Variants in CENPP observed in about 807,000 individuals in gnomAD.
The protein encoded by CENPP is centromere protein P.
CENPP carries 24 observed loss-of-function variants against 35.6 expected under a neutral mutation model. That is an observed-to-expected ratio of 0.67 (90% CI 0.49 to 0.95). CENPP has a LOEUF of 0.95. CENPP is among the 40% of genes least tolerant of loss of function. The pLI, the probability that CENPP is intolerant of heterozygous loss-of-function variation, is 0.00. For missense variants in CENPP, 332 were observed against 345.3 expected (o/e 0.96, Z 0.31); for synonymous variants, 120 against 125.5 (o/e 0.96, Z 0.29).
intron 3 of CENPP, among the ~76,000 whole-genome samples, chr9:92,337,876 T>G (rs142154504): frequency 7.2e-4 from 109 of 152,342 alleles, no homozygotes; most frequent in African/African-American, 2.5e-3. Context: ...AGCAAGATGC[T>G]CCTGGGCTTC....
At position 92,522,065 on chromosome 9, in the gene CENPP, G is replaced by GTTGTT. The variant is rs538087449; in HGVS notation, c.565-89221_565-89217dup. On this transcript the variant is annotated intron_variant, in intron 5 of 7. Transcript: ENST00000375587. ...TTAAGTTGTTTTTGGTTTTTTGGGGGTTGTTTTGTTTTGTTTTGTTTTGTT... is the reference window on the plus strand; with the variant it reads ...TTAAGTTGTTTTTGGTTTTTTGGGGGTTGTTTTGTTTTGTTTTGTTTTGTTTTGTT... Among the ~76,000 whole-genome samples the GTTGTT allele has an allele frequency of 4.3e-3, 656 of 152,004 alleles. 1 individual carries two copies. Among genetic ancestry groups the GTTGTT allele is most frequent in the African/African-American group, 0.011 (442 of 41,472 alleles).
At chr9:92,496,244 CTT>C in intron 5 of CENPP, 5 of 1,504,806 alleles carry the variant, frequency 3.3e-6, no homozygotes, top group Non-Finnish European at 4.4e-6. Flanking sequence ...TTATGTCTCT[CTT>C]ATTAATGACA....
chr9:92,369,552 T>A, intron 4 of CENPP, among the ~76,000 whole-genome samples: 1 of 152,220 alleles, frequency 6.6e-6, no homozygotes, highest in East Asian at 1.9e-4. Flanking sequence ...TTGCACTGAA[T>A]TGGTAGATTG....
At chr9:92,408,505 A>G (rs1843365809) in intron 5 of CENPP, among the ~76,000 whole-genome samples, 2 of 152,126 alleles carry the variant, frequency 1.3e-5, no homozygotes, top group East Asian at 1.9e-4. Flanking sequence ...TTGATTCTTC[A>G]TGAACCTTCC....
intron 5 of CENPP, among the ~76,000 whole-genome samples, chr9:92,446,924 T>C (rs545340448): frequency 1.4e-3 from 212 of 151,468 alleles, no homozygotes; most frequent in African/African-American, 4.7e-3. Flanking sequence ...GCTGGAAGAA[T>C]AGTCAACTAT....
chr9:92,502,501 G>A (rs1208065456), intron 5 of CENPP: 2 of 1,610,698 alleles, frequency 1.2e-6, no homozygotes, highest in Non-Finnish European at 8.5e-7. Context: ...TTAAATTGTA[G>A]CATGTACTTA....
In CENPP at chr9:92,495,746, G is replaced by A. The variant is rs562627216; in HGVS notation, c.565-115568G>A. 8 of 932,358 alleles carry A rather than the reference G, an allele frequency of 8.6e-6. No individual in the cohort carries two copies. In the South Asian group the frequency reaches 3.5e-4, roughly 40 times the overall value. 57.8% of individuals were successfully genotyped at this position (932,358 alleles called of 1,614,324 possible). A position where few individuals can be genotyped will look rare whatever the true frequency, so the allele number is the denominator to read the frequency against. ...TCAAAACCAGGAAATTAACATTACA[G>A]TAGTGTTTTAATTTTACACATGTAA... On this transcript the variant is annotated intron_variant, in intron 5 of 7. Coordinates refer to ENST00000375587, the MANE Select transcript of CENPP (RefSeq NM_001012267.3).
chr9:92,385,582 G>A (rs1842384705), intron 5 of CENPP: 1 of 1,558,308 alleles, frequency 6.4e-7, no homozygotes, highest in Non-Finnish European at 8.8e-7. Flanking sequence ...GACTATTAGT[G>A]TAGGTGTACT....
chr9:92,560,951 A>T (rs1235196610), intron 5 of CENPP, among the ~76,000 whole-genome samples: 4 of 142,682 alleles, frequency 2.8e-5, no homozygotes, highest in African/African-American at 7.9e-5. Flanking sequence ...TTTTTTTCTC[A>T]GTACCTCTTA....
At chr9:92,381,660 G>T (rs1842248994) in intron 5 of CENPP, among the ~76,000 whole-genome samples, 1 of 151,972 alleles carries the variant, frequency 6.6e-6, no homozygotes, top group Admixed American at 6.6e-5. Flanking sequence ...TTACTTTTGG[G>T]CTATTGTGAA....
At chr9:92,332,059 A>C in intron 1 of CENPP, 111 bp from the exon 2 acceptor site, 1 of 516,968 alleles carries the variant, frequency 1.9e-6, no homozygotes, top group Non-Finnish European at 3.2e-6. Flanking sequence ...AAGGTGACTT[A>C]ATTGGAAGAG....
intron 5 of CENPP, among the ~76,000 whole-genome samples, chr9:92,529,775 T>C (rs567708077): frequency 6.6e-6 from 1 of 152,236 alleles, no homozygotes; most frequent in South Asian, 2.1e-4. Context: ...ATGCAAGCTA[T>C]AAAAGAATAG....
intron 5 of CENPP, among the ~76,000 whole-genome samples, chr9:92,579,111 A>G (rs1357467673): frequency 6.6e-6 from 1 of 150,600 alleles, no homozygotes; most frequent in East Asian, 1.9e-4. Flanking sequence ...AGATAGTTGT[A>G]GATATGCAGC....
intron 5 of CENPP, among the ~76,000 whole-genome samples, chr9:92,382,683 C>T (rs1168317226): frequency 6.6e-6 from 1 of 151,986 alleles, no homozygotes; most frequent in Non-Finnish European, 1.5e-5. Flanking sequence ...TTAAATATTA[C>T]ATAAGGTAGG....
At chr9:92,422,750 C>A (rs1172775359) in intron 5 of CENPP, among the ~76,000 whole-genome samples, 1 of 152,088 alleles carries the variant, frequency 6.6e-6, no homozygotes, top group East Asian at 1.9e-4. Flanking sequence ...TTTTCTATGC[C>A]TCTTGCTCTT....
At chr9:92,343,962 CAAAAAAA>C (rs35920973) in intron 3 of CENPP, among the ~76,000 whole-genome samples, 19 of 60,988 alleles carry the variant, frequency 3.1e-4, no homozygotes, top group African/African-American at 1.1e-3. Context: ...AACCCTGTCT[CAAAAAAA>C]AAAAAAAAAA....
At chr9:92,416,677 T>A (rs1385395581) in intron 5 of CENPP, 1 of 1,610,158 alleles carries the variant, frequency 6.2e-7, no homozygotes, top group Non-Finnish European at 8.5e-7. Flanking sequence ...TATAGAATGC[T>A]TGCTTCAATT....
intron 5 of CENPP, among the ~76,000 whole-genome samples, chr9:92,479,702 T>G (rs550421079): frequency 2.8e-4 from 42 of 152,360 alleles, no homozygotes; most frequent in African/African-American, 9.4e-4. Flanking sequence ...TGTCTTCTGT[T>G]AGCCTTTTAC....
intron 5 of CENPP, chr9:92,517,998 T>C: frequency 8.9e-7 from 1 of 1,126,136 alleles, no homozygotes; most frequent in Non-Finnish European, 1.3e-6. Context: ...CTATGTGCAT[T>C]CATGTATAGG....
Sources: allele counts gnomAD v4.1 joint callset (sites outside exome capture counted in the v4.1 genomes callset), GRCh38; gene constraint gnomAD v4.1.1; transcripts MANE v1.5; gene names NCBI Gene and HGNC (gene_info 2026-07-23, HGNC 2026-07-21).